The following LPCAT1 variants were observed in gnomAD, a reference collection of about 807,000 sequenced individuals.
LPCAT1 encodes the protein lysophosphatidylcholine acyltransferase 1.
A neutral mutation model predicts 60.9 loss-of-function variants in LPCAT1; 23 were observed. That is an observed-to-expected ratio of 0.38 (90% CI 0.27 to 0.53). LPCAT1 has a LOEUF of 0.53. Among genes scored for constraint, LPCAT1 ranks in the 20% least tolerant of loss-of-function variants. LPCAT1 has a pLI of 0.82. For synonymous variants in LPCAT1, 340 were observed against 301.1 expected, an observed-to-expected ratio of 1.13 and a Z score of -1.34; for missense variants, 622 against 723.6, an observed-to-expected ratio of 0.86 and a Z score of 1.61.
chr5:1,520,860 C>CAAAAAAAAAAAAAAAAAAAAAAAAA (rs59074953), intron 1 of LPCAT1, among the ~76,000 whole-genome samples: 4 of 82,044 alleles, frequency 4.9e-5, no homozygotes, highest in African/African-American at 9.8e-5. Context: ...GAGACTGTCT[C>CAAAAAAAAAAAAAAAAAAAAAAAAA]AAAAAAAAAA....
At chr5:1,520,724 A>G (rs1269645967) in intron 1 of LPCAT1, among the ~76,000 whole-genome samples, 4 of 151,704 alleles carry the variant, frequency 2.6e-5, no homozygotes, top group East Asian at 1.9e-4. Context: ...TTAGCCGGGC[A>G]TTGTGGCGGG....
intron 4 of LPCAT1, 136 bp downstream of exon 4, chr5:1,489,610 A>G: frequency 2.7e-6 from 2 of 744,912 alleles, no homozygotes; most frequent in African/African-American, 3.5e-5. Flanking sequence ...CACCCTCCTG[A>G]GTTCACGCAC....
intron 1 of LPCAT1, among the ~76,000 whole-genome samples, chr5:1,504,448 G>A (rs957827130): frequency 6.6e-6 from 1 of 152,248 alleles, no homozygotes; most frequent in African/African-American, 2.4e-5. Flanking sequence ...AGGGCGTGGT[G>A]GCTCACATCT....
chr5:1,511,326 T>C (rs1736349098), intron 1 of LPCAT1, among the ~76,000 whole-genome samples: 1 of 152,154 alleles, frequency 6.6e-6, no homozygotes, highest in Non-Finnish European at 1.5e-5. Context: ...AGAGACCACG[T>C]GGCCCCAACC....
chr5:1,517,942 C>A (rs372629262), intron 1 of LPCAT1, among the ~76,000 whole-genome samples: 2 of 152,258 alleles, frequency 1.3e-5, no homozygotes, highest in African/African-American at 4.8e-5. Context: ...GCATTCTGAA[C>A]GCAGCTGTGG....
chr5:1,497,123 A>C (rs1735823455), intron 2 of LPCAT1, among the ~76,000 whole-genome samples: 1 of 152,208 alleles, frequency 6.6e-6, no homozygotes, highest in Non-Finnish European at 1.5e-5. Flanking sequence ...CAAAACATCC[A>C]CCACGCTCGC....
At chr5:1,508,943 AG>A (rs1248074464) in intron 1 of LPCAT1, among the ~76,000 whole-genome samples, 2 of 152,264 alleles carry the variant, frequency 1.3e-5, no homozygotes, top group African/African-American at 4.8e-5. Flanking sequence ...CAAAGACACG[AG>A]GTTGCCAGAG....
chr5:1,469,034 G>A (rs1164830966), intron 12 of LPCAT1, among the ~76,000 whole-genome samples: 2 of 152,258 alleles, frequency 1.3e-5, no homozygotes, highest in Admixed American at 1.3e-4. Context: ...ACATGGGGAA[G>A]CAGCCTGCAA....
Position 1,491,656 on chromosome 5 carries a change from G to A in LPCAT1, c.494-1798C>T, listed in dbSNP as rs139886835. Among the ~76,000 whole-genome samples the A allele has an allele frequency of 7.6e-3, 1,160 of 152,270 alleles. 17 individuals are homozygous for A. Among genetic ancestry groups the A allele is most frequent in the African/African-American group, 0.026 (1,075 of 41,544 alleles). Reference sequence around the variant, plus strand: ...GAGGAGGGAAGGGTGTCACCACGCCGTGTGCACAGCCACACTGGGACTGGC... The same window carrying A: ...GAGGAGGGAAGGGTGTCACCACGCCATGTGCACAGCCACACTGGGACTGGC... On this transcript the variant is annotated intron_variant, in intron 3 of 13. Coordinates refer to ENST00000283415, the MANE Select transcript of LPCAT1 (RefSeq NM_024830.5).
intron 5 of LPCAT1, among the ~76,000 whole-genome samples, chr5:1,488,068 C>T (rs1165499384): frequency 1.3e-5 from 2 of 152,138 alleles, no homozygotes; most frequent in Non-Finnish European, 2.9e-5. Flanking sequence ...AAGAAGGGTA[C>T]CCTGAGCCAT....
rs1489371138 is a variant in LPCAT1 at position 1,487,384 on chromosome 5, AG to A, written c.667+1006del. ...GCGTGGTGAAGACAATGGAACGGGA[AG>A]ACCCAGTACCTTCCAGTGAGCTGCA... On this transcript the variant is annotated intron_variant, in intron 5 of 13. Coordinates refer to ENST00000283415, the MANE Select transcript of LPCAT1 (RefSeq NM_024830.5). This position sits in a 1 kb window ranked among gnomAD's most constrained non-coding sequence, Gnocchi z 6.1. Among the ~76,000 whole-genome samples, 1 of 152,236 alleles carries A rather than the reference AG, an allele frequency of 6.6e-6. No homozygotes were observed. Among genetic ancestry groups the A allele is most frequent in the African/African-American group, 2.4e-5 (1 of 41,460 alleles).
intron 11 of LPCAT1, among the ~76,000 whole-genome samples, chr5:1,473,645 T>A (rs768855567): frequency 1.2e-4 from 18 of 152,214 alleles, no homozygotes; most frequent in Non-Finnish European, 2.4e-4. Flanking sequence ...CAGGGGACCC[T>A]GCAGGGGGTC....
chr5:1,480,960 G>A lies in LPCAT1; in HGVS notation c.743C>T (p.Thr248Met). 1 of 1,613,784 alleles carries A rather than the reference G, an allele frequency of 6.2e-7. No homozygotes were observed. The highest frequency in any genetic ancestry group is 8.5e-7 in the Non-Finnish European group (1 of 1,179,986). ...AACTTACGCTCCAGGTCCTTGCCAC[G>A]TCCATGTGATGGTGTCCTGGGGAGG... Reference protein sequence around the residue: ...YPNKLDTITWTWQGPGALEIL... With the variant: ...YPNKLDTITWMWQGPGALEIL... Residue 248 changes from threonine to methionine, a missense_variant, in exon 7 of 14, where the codon ACG (threonine) becomes ATG (methionine). Physicochemically the swap from Thr to Met is moderately conservative, Grantham distance 81. Around this residue, in one of 3 missense-constraint regions of LPCAT1, gnomAD observed 209 missense variants for 325.5 expected, o/e 0.64. Transcript: ENST00000283415. The surrounding 1 kb of genome is among the most constrained non-coding windows in gnomAD (Gnocchi z 6.4).
In LPCAT1 at chr5:1,480,006, C is replaced by A. The variant is rs1735072307; in HGVS notation, c.762-331G>T. Among the ~76,000 whole-genome samples, 1 of 152,008 alleles carries A rather than the reference C, an allele frequency of 6.6e-6. No individual in the cohort carries two copies. The highest frequency in any genetic ancestry group is 2.4e-5 in the African/African-American group (1 of 41,368). Reference sequence around the variant, plus strand: ...CCTGTCCCTCCTCGCTGTCCCCAGGCAGCACAGGCCCTGAGTCATGCCACC... The same window carrying A: ...CCTGTCCCTCCTCGCTGTCCCCAGGAAGCACAGGCCCTGAGTCATGCCACC... On this transcript the variant is annotated intron_variant, in intron 7 of 13. Transcript: ENST00000283415. This position sits in a 1 kb window ranked among gnomAD's most constrained non-coding sequence, Gnocchi z 6.4.
intron 8 of LPCAT1, among the ~76,000 whole-genome samples, chr5:1,478,961 A>G (rs2126517529): frequency 6.6e-6 from 1 of 152,372 alleles, no homozygotes; most frequent in Non-Finnish European, 1.5e-5. Context: ...TATGTATTAA[A>G]CAGAGCATGG....
intron 3 of LPCAT1, among the ~76,000 whole-genome samples, chr5:1,493,577 A>G (rs1188432301): frequency 6.6e-6 from 1 of 152,222 alleles, no homozygotes; most frequent in Non-Finnish European, 1.5e-5. Context: ...CCCACTGCCA[A>G]CCCAGGACCC....
intron 11 of LPCAT1, among the ~76,000 whole-genome samples, chr5:1,471,689 G>A (rs1734674271): frequency 6.6e-6 from 1 of 151,892 alleles, no homozygotes; most frequent in African/African-American, 2.4e-5. Flanking sequence ...TCCAGGAAGA[G>A]AGCAGCAGGA....
intron 1 of LPCAT1, among the ~76,000 whole-genome samples, chr5:1,505,820 ACGGGG>A (rs1338413417): frequency 3.9e-5 from 6 of 152,164 alleles, no homozygotes; most frequent in Non-Finnish European, 8.8e-5. Context: ...TGCTTCGTGC[ACGGGG>A]AGGACTGTGT....
intron 11 of LPCAT1, among the ~76,000 whole-genome samples, chr5:1,471,273 G>A (rs27055): frequency 0.79 from 119,825 of 152,194 alleles, 47,731 homozygotes; most frequent in African/African-American, 0.91. Context: ...CTAGGAATTT[G>A]GTCTGTTTAT....
Sources: allele counts gnomAD v4.1 joint callset (sites outside exome capture counted in the v4.1 genomes callset), GRCh38; gene constraint gnomAD v4.1.1; regional missense constraint gnomAD v4.1.1; non-coding constraint Gnocchi (gnomAD v3.1); transcripts MANE v1.5; gene names NCBI Gene and HGNC (gene_info 2026-07-23, HGNC 2026-07-21).